ELMO1: variants seen among roughly 807,000 people sequenced by gnomAD.
The protein encoded by ELMO1 is engulfment and cell motility protein 1.
In ELMO1, 26 loss-of-function variants were observed where a neutral mutation model predicts 98.9. That is an observed-to-expected ratio of 0.26 (90% CI 0.19 to 0.36). The LOEUF (loss-of-function observed/expected upper bound fraction) is 0.36. ELMO1 is among the 10% of genes least tolerant of loss of function. The probability of loss-of-function intolerance (pLI) is 1.00; values close to 1 mark genes in which losing one functional copy is unlikely to be tolerated. For synonymous variants in ELMO1, 346 were observed against 346.0 expected (o/e 1.00, Z 0.00); for missense variants, 627 against 935.2 (o/e 0.67, Z 4.30).
chr7:36,894,818 CT>C (rs780516391), intron 17 of ELMO1, 35 bp downstream of exon 17: 1 of 1,613,426 alleles, frequency 6.2e-7, no homozygotes, highest in East Asian at 2.2e-5. Context: ...GGGTTAGAGT[CT>C]TTTGGGAGAT....
intron 5 of ELMO1, among the ~76,000 whole-genome samples, chr7:37,262,304 G>C (rs1796017032): frequency 6.6e-6 from 1 of 152,186 alleles, no homozygotes; most frequent in African/African-American, 2.4e-5. Flanking sequence ...TGCTGCTATA[G>C]AAATTGAAAA....
intron 16 of ELMO1, among the ~76,000 whole-genome samples, chr7:36,980,713 G>T (rs377383645): frequency 6.6e-6 from 1 of 152,260 alleles, no homozygotes; most frequent in Admixed American, 6.5e-5. Context: ...ATAATTTTAC[G>T]TATGTGATGT....
intron 15 of ELMO1, among the ~76,000 whole-genome samples, chr7:37,080,600 A>ATTTTTTTTTTTTTTTTTTTTTT (rs764259726): frequency 3.8e-5 from 4 of 105,236 alleles, no homozygotes; most frequent in Non-Finnish European, 7.3e-5. Context: ...ACCACGCCTA[A>ATTTTTTTTTTTTTTTTTTTTTT]TTTTTTTTTT....
At chr7:36,944,277 C>T (rs1411589939) in intron 16 of ELMO1, among the ~76,000 whole-genome samples, 1 of 152,198 alleles carries the variant, frequency 6.6e-6, no homozygotes, top group East Asian at 1.9e-4. Context: ...CTGCTTGCCA[C>T]CTGACACTAG....
In ELMO1 at chr7:37,261,543, A is replaced by G. The variant is rs76170104; in HGVS notation, c.244-2193T>C. Among the ~76,000 whole-genome samples the G allele has an allele frequency of 7.7e-3, 1,169 of 152,268 alleles. 14 individuals carry two copies. The highest frequency in any genetic ancestry group is 0.027 in the African/African-American group (1,109 of 41,536). On this transcript the variant is annotated intron_variant, in intron 5 of 21. Transcript: ENST00000310758. ...ATCACACGCTGAGGACCACCACTCT[A>G]AATCACTCAGGATGCTGCATCTCTC...
chr7:37,380,564 C>A (rs1802541059), intron 1 of ELMO1, among the ~76,000 whole-genome samples: 1 of 152,152 alleles, frequency 6.6e-6, no homozygotes, highest in African/African-American at 2.4e-5. Flanking sequence ...AGCTGATAGT[C>A]AGAAAGACTG....
chr7:36,858,600 G>A (rs1562775156), intron 21 of ELMO1, among the ~76,000 whole-genome samples: 1 of 152,140 alleles, frequency 6.6e-6, no homozygotes, highest in South Asian at 2.1e-4. Context: ...AGATTATCTT[G>A]GATTATCCAG....
At chr7:37,172,789 G>A (rs1790256918) in intron 13 of ELMO1, among the ~76,000 whole-genome samples, 1 of 152,126 alleles carries the variant, frequency 6.6e-6, no homozygotes, top group African/African-American at 2.4e-5. Context: ...CAACATTGAA[G>A]CTAAAAAAAA....
chr7:37,074,659 G>A (rs888121265), intron 15 of ELMO1, among the ~76,000 whole-genome samples: 2 of 152,160 alleles, frequency 1.3e-5, no homozygotes, highest in African/African-American at 4.8e-5. Context: ...TGGATCCAGG[G>A]CCCCCAGAGT....
intron 16 of ELMO1, among the ~76,000 whole-genome samples, chr7:36,946,175 A>G (rs1254250169): frequency 6.6e-6 from 1 of 152,256 alleles, no homozygotes; most frequent in African/African-American, 2.4e-5. Flanking sequence ...TTTCTGCAGC[A>G]GACAGGTTAT....
chr7:37,124,502 G>A (rs962036812), intron 14 of ELMO1, among the ~76,000 whole-genome samples: 31 of 152,112 alleles, frequency 2.0e-4, no homozygotes, highest in African/African-American at 7.5e-4. Context: ...CAGACAAACA[G>A]AGAGCTAAAT....
At chr7:37,321,446 G>C (rs1032743919) in intron 2 of ELMO1, among the ~76,000 whole-genome samples, 1 of 151,782 alleles carries the variant, frequency 6.6e-6, no homozygotes, top group Admixed American at 6.6e-5. Flanking sequence ...GGCCGGGCGC[G>C]GTGGTTCACG....
rs1262813996 is a variant in ELMO1 at position 36,940,618 on chromosome 7, T to C, written c.1438-45601A>G. Among the ~76,000 whole-genome samples, 5 of 152,244 alleles carry C rather than the reference T, an allele frequency of 3.3e-5. No individual in the cohort carries two copies. The South Asian group carries it at 6.2e-4, about 19-fold the overall frequency. On this transcript the variant is annotated intron_variant, in intron 16 of 21. Coordinates refer to ENST00000310758, the MANE Select transcript of ELMO1 (RefSeq NM_014800.11). ...CTACTTCAGAGTTCTGTTGTGAATATTGAGTATAGTAATCAATGCAAATTG... is the reference window on the plus strand; with the variant it reads ...CTACTTCAGAGTTCTGTTGTGAATACTGAGTATAGTAATCAATGCAAATTG...
At chr7:36,931,558 A>G (rs1786039854) in intron 16 of ELMO1, among the ~76,000 whole-genome samples, 1 of 152,206 alleles carries the variant, frequency 6.6e-6, no homozygotes, top group Admixed American at 6.5e-5. Flanking sequence ...CCGAGATTGC[A>G]TCACTGCACT....
chr7:37,315,898 A>G, intron 3 of ELMO1, 22 bp downstream of exon 3: 1 of 1,589,270 alleles, frequency 6.3e-7, no homozygotes, highest in South Asian at 1.2e-5. Context: ...AATGCCTTAG[A>G]TAAATCCTGA....
chr7:37,130,623 AAAGT>A (rs538476018), intron 14 of ELMO1, among the ~76,000 whole-genome samples: 240 of 152,358 alleles, frequency 1.6e-3, no homozygotes, highest in Middle Eastern at 6.8e-3. Context: ...AGGATGCTGA[AAAGT>A]GAGTGGCAGG....
intron 15 of ELMO1, among the ~76,000 whole-genome samples, chr7:37,035,292 T>A (rs1204499975): frequency 6.6e-6 from 1 of 152,232 alleles, no homozygotes; most frequent in East Asian, 1.9e-4. Flanking sequence ...TTTGCTGGCA[T>A]TAAATTCTCC....
At chr7:36,981,828 A>C (rs1228075559) in intron 16 of ELMO1, among the ~76,000 whole-genome samples, 2 of 152,226 alleles carry the variant, frequency 1.3e-5, no homozygotes, top group African/African-American at 4.8e-5. Flanking sequence ...CAACGGTGAA[A>C]GTAAAAGTTA....
Position 37,099,918 on chromosome 7 carries a change from C to T in ELMO1, c.1192-3191G>A, listed in dbSNP as rs142484918. 7.0e-4 allele frequency among the ~76,000 whole-genome samples: 107 copies of T among 151,878 alleles called. 1 individual carries two copies. Among genetic ancestry groups the T allele is most frequent in the Non-Finnish European group, 7.5e-4 (51 of 67,934 alleles). On this transcript the variant is annotated intron_variant, in intron 14 of 21. Transcript: ENST00000310758. ...CATAATCTCGGCTCGCTGCAACCTC[C>T]GCCCCGCCAAGCTCAAGCGATTCTC...
Sources: gnomAD v4.1 joint callset for allele counts (sites outside exome capture counted in the v4.1 genomes callset) on GRCh38, gnomAD v4.1.1 for gene constraint, MANE v1.5 for transcripts, NCBI Gene and HGNC (gene_info 2026-07-23, HGNC 2026-07-21) for gene names.